GFM1: variants seen among roughly 807,000 people sequenced by gnomAD.
The protein encoded by GFM1 is elongation factor G, mitochondrial.
In GFM1, 62 loss-of-function variants were observed where a neutral mutation model predicts 96.2. That is an observed-to-expected ratio of 0.64 (90% confidence interval 0.53 to 0.80). The LOEUF (loss-of-function observed/expected upper bound fraction) is 0.80. GFM1 is among the 30% of genes least tolerant of loss of function. GFM1 has a pLI of 0.00. For missense variants in GFM1, 852 were observed against 916.6 expected, an observed-to-expected ratio of 0.93 and a Z score of 0.91; for synonymous variants, 282 against 312.9, an observed-to-expected ratio of 0.90 and a Z score of 1.04.
At position 158,666,385 on chromosome 3, in the gene GFM1, C is replaced by T. The variant is rs1023429010; in HGVS notation, c.1600C>T (p.Pro534Ser). 1.9e-6 allele frequency: 3 copies of T among 1,611,758 alleles called. No individual in the cohort carries two copies. The African/African-American group carries it at 4.0e-5, about 22-fold the overall frequency. Residue 534 changes from proline (P) to serine (S), a missense_variant and splice_region_variant, in exon 13 of 18, where the codon CCG becomes TCG. Pro to Ser is a moderately conservative substitution (Grantham distance 74). Transcript: ENST00000486715. ...AFRETITAPV[P>S]FDFTHKKQSG... ...TCGAGAGACCATTACTGCCCCTGTCCCGTAAGTATGCAACGTAATTAAACA... is the reference window on the plus strand; with the variant it reads ...TCGAGAGACCATTACTGCCCCTGTCTCGTAAGTATGCAACGTAATTAAACA...
In GFM1 at chr3:158,653,298, T is replaced by G; in HGVS notation, c.841-12T>G. 1 of 1,608,248 alleles carries G rather than the reference T, an allele frequency of 6.2e-7. No individual in the cohort carries two copies. Among genetic ancestry groups the G allele is most frequent in the Non-Finnish European group, 8.5e-7 (1 of 1,175,706 alleles). On this transcript the variant is annotated splice_polypyrimidine_tract_variant and intron_variant, in intron 6 of 17. Coordinates refer to ENST00000486715, the MANE Select transcript of GFM1 (RefSeq NM_024996.7). ...TTAACATTAACTACCATTAAATTGT[T>G]TTCTTTTGTAGCTAGCAATTCGAAG... is the stretch of plus-strand genomic sequence containing the variant.
At chr3:158,681,276 A>G (rs1725356359) in intron 13 of GFM1, among the ~76,000 whole-genome samples, 2 of 152,192 alleles carry the variant, frequency 1.3e-5, no homozygotes, top group Admixed American at 1.3e-4. Context: ...AAAGGAAGAA[A>G]TGCCTTGCAA....
At chr3:158,670,925 C>G in intron 13 of GFM1, 1 of 1,496,432 alleles carries the variant, frequency 6.7e-7, no homozygotes, top group Non-Finnish European at 8.9e-7. Flanking sequence ...AGAGTGAGAC[C>G]CTGTCTCAAA....
intron 5 of GFM1, 185 bp downstream of exon 5, chr3:158,649,342 G>A: frequency 2.1e-6 from 1 of 475,340 alleles, no homozygotes; most frequent in Non-Finnish European, 3.8e-6. Context: ...TATTTATTCT[G>A]TGAGAGACTA....
chr3:158,677,199 A>G (rs1159470678), intron 13 of GFM1, among the ~76,000 whole-genome samples: 4 of 152,242 alleles, frequency 2.6e-5, no homozygotes, highest in Non-Finnish European at 4.4e-5. Context: ...CATCCATATA[A>G]TTGTATATGT....
In GFM1 at chr3:158,690,266, C is replaced by G; in HGVS notation, c.2013C>G (p.Arg671=). Residue 671 remains arginine, a synonymous_variant, in exon 16 of 18, where the codon CGC becomes CGG. Coordinates refer to ENST00000486715, the MANE Select transcript of GFM1 (RefSeq NM_024996.7). ...QGQVIAGINR[R]HGVITGQDGV... ...AAGTAATTGCAGGAATTAACCGACG[C>G]CATGGGGTAATCACTGGGCAAGATG... is the stretch of plus-strand genomic sequence containing the variant. The G allele has an allele frequency of 6.2e-7, 1 of 1,613,776 alleles. No individual in the cohort carries two copies. Among genetic ancestry groups the G allele is most frequent in the East Asian group, 2.2e-5 (1 of 44,852 alleles).
intron 7 of GFM1, 108 bp from the exon 8 acceptor site, chr3:158,654,439 A>G: frequency 1.4e-6 from 1 of 705,404 alleles, no homozygotes; most frequent in Non-Finnish European, 2.5e-6. Flanking sequence ...CAGCAGTAAT[A>G]TCCCACACAC....
intron 8 of GFM1, among the ~76,000 whole-genome samples, chr3:158,658,376 G>C (rs946542029): frequency 1.3e-5 from 2 of 151,964 alleles, no homozygotes; most frequent in Admixed American, 1.3e-4. Flanking sequence ...TGTTGGCCAG[G>C]CTGGTCTTGA....
chr3:158,682,514 A>G, intron 14 of GFM1: 1 of 251,226 alleles, frequency 4.0e-6, no homozygotes, highest in Non-Finnish European at 8.0e-6. Flanking sequence ...TAGATTCCCA[A>G]CACCTGGGTG....
intron 13 of GFM1, chr3:158,669,490 T>G: frequency 1.2e-6 from 2 of 1,613,994 alleles, no homozygotes; most frequent in Non-Finnish European, 1.7e-6. Context: ...TGATAAAATG[T>G]GTTGTCTTCT....
chr3:158,690,531 C>T (rs1407299179), intron 16 of GFM1: 1 of 565,594 alleles, frequency 1.8e-6, no homozygotes, highest in Non-Finnish European at 3.1e-6. Context: ...GTGAATGTGT[C>T]ATTTTCTTAG....
At chr3:158,690,438 A>T (rs369406075) in intron 16 of GFM1, 115 bp downstream of exon 16, 2 of 984,908 alleles carry the variant, frequency 2.0e-6, no homozygotes, top group Non-Finnish European at 3.2e-6. Flanking sequence ...GGCTTTATAC[A>T]TGTGGCATTT....
rs1726388118 is a variant in GFM1, at chr3:158,692,361, A to C, written c.*894A>C. 6.6e-6 allele frequency: 1 copy of C among 152,238 alleles called. No homozygotes were observed. The highest frequency in any genetic ancestry group is 1.5e-5 in the Non-Finnish European group (1 of 68,046). 9.4% of individuals were successfully genotyped at this position (152,238 alleles called of 1,614,324 possible). A position where few individuals can be genotyped will look rare whatever the true frequency, so the allele number is the denominator to read the frequency against. ...TTCATCAACCTAATGAATGCTAGTT[A>C]AATTTGAATTCCTTGGAATTTATCG... On this transcript the variant is annotated 3_prime_UTR_variant, in exon 18 of 18. Coordinates refer to ENST00000486715, the MANE Select transcript of GFM1 (RefSeq NM_024996.7).
rs1214047183 is a variant in GFM1 at position 158,682,035 on chromosome 3, C to T, written c.1642C>T (p.Gln548Ter). Residue 548 changes from glutamine to a stop codon, truncating the protein, a stop_gained, in exon 14 of 18, where the codon CAG becomes TAG. Transcript: ENST00000486715. LOFTEE classifies it high-confidence loss of function. The stretch of plus-strand genomic sequence containing the variant: ...TAAAAAACAATCAGGTGGTGCAGGC[C>T]AGTATGGAAAAGTAATAGGTGTCCT... The part of the protein sequence containing the change: ...THKKQSGGAG[Q>*]YGKVIGVLEP... 1 of 1,613,400 alleles carries T rather than the reference C, an allele frequency of 6.2e-7. No individual in the cohort carries two copies. The highest frequency in any genetic ancestry group is 8.5e-7 in the Non-Finnish European group (1 of 1,179,760).
intron 13 of GFM1, among the ~76,000 whole-genome samples, chr3:158,680,177 G>T (rs1241950128): frequency 1.3e-5 from 2 of 152,104 alleles, no homozygotes; most frequent in African/African-American, 4.8e-5. Flanking sequence ...TAGATTTAGT[G>T]GGTACAGGTG....
chr3:158,657,020 T>A (rs1722821042), intron 8 of GFM1: 1 of 152,174 alleles, frequency 6.6e-6, no homozygotes, highest in African/African-American at 2.4e-5. Flanking sequence ...AAACCAAGAT[T>A]TGGGGACTGG....
chr3:158,667,201 A>G lies in GFM1; in HGVS notation c.1601+815A>G. 3 of 1,053,008 alleles carry G rather than the reference A, an allele frequency of 2.8e-6. No homozygotes were observed. The South Asian group carries it at 6.0e-5, about 21-fold the overall frequency. The allele number at this position is 1,053,008 out of a possible 1,614,324, so 65.2% of individuals were successfully genotyped here. On this transcript the variant is annotated intron_variant, in intron 13 of 17. Transcript: ENST00000486715. ...CCATTTAGGTAAAAATAAAAATTGA[A>G]TGTCATAATTTCAATTTAATGTGAC...
At chr3:158,675,382 T>C (rs1028089311) in intron 13 of GFM1, among the ~76,000 whole-genome samples, 6 of 151,188 alleles carry the variant, frequency 4.0e-5, no homozygotes, top group Non-Finnish European at 5.9e-5. Context: ...TTATAAATTA[T>C]ATTTTTAAAA....
intron 13 of GFM1, chr3:158,667,006 C>T: frequency 1.3e-6 from 2 of 1,596,202 alleles, no homozygotes; most frequent in Non-Finnish European, 8.5e-7. Flanking sequence ...GTAAATTATA[C>T]TTTACCTGAG....
Sources: allele counts gnomAD v4.1 joint callset (sites outside exome capture counted in the v4.1 genomes callset), GRCh38; gene constraint gnomAD v4.1.1; transcripts MANE v1.5; gene names NCBI Gene and HGNC (gene_info 2026-07-23, HGNC 2026-07-21).